Variants in CACNA1B observed in about 807,000 individuals in gnomAD.
The protein encoded by CACNA1B is calcium voltage-gated channel subunit alpha1 B.
Under a neutral mutation model 247.2 loss-of-function variants are expected in CACNA1B, and 70 were observed. The ratio of observed to expected loss-of-function variants is 0.28; its 90% CI spans 0.23 to 0.35. The LOEUF is 0.35. Among genes scored for constraint, CACNA1B ranks in the 10% least tolerant of loss-of-function variants. The pLI, the probability that CACNA1B is intolerant of heterozygous loss-of-function variation, is 1.00. For missense variants in CACNA1B, 2,367 were observed against 3,197.4 expected (o/e 0.74, Z 6.26); for synonymous variants, 1,231 against 1,294.4 (o/e 0.95, Z 1.05).
chr9:137,929,879 C>T (rs1377230148), intron 6 of CACNA1B, among the ~76,000 whole-genome samples: 1 of 152,144 alleles, frequency 6.6e-6, no homozygotes, highest in East Asian at 1.9e-4. Context: ...GTCTCAAGCT[C>T]CTGGGCTCAG....
At chr9:138,066,757 A>G (rs73669857) in intron 31 of CACNA1B, among the ~76,000 whole-genome samples, 4,984 of 152,284 alleles carry the variant, frequency 0.033, 271 homozygotes, top group African/African-American at 0.11. Flanking sequence ...TCAGAAAGAA[A>G]TTTACAGCCT....
At chr9:138,077,853 AC>A (rs1960380842) in intron 35 of CACNA1B, among the ~76,000 whole-genome samples, 2 of 152,252 alleles carry the variant, frequency 1.3e-5, no homozygotes, top group African/African-American at 4.8e-5. Flanking sequence ...TGTGGTGTCC[AC>A]AAAGAAGTGC....
intron 15 of CACNA1B, among the ~76,000 whole-genome samples, chr9:138,000,347 C>A (rs1297199804): frequency 1.3e-5 from 2 of 152,148 alleles, no homozygotes; most frequent in African/African-American, 2.4e-5. Context: ...ATCAGCCCGC[C>A]TTGGCCTCCC....
chr9:137,926,529 A>G (rs1957553275), intron 6 of CACNA1B, among the ~76,000 whole-genome samples: 1 of 152,206 alleles, frequency 6.6e-6, no homozygotes, highest in Non-Finnish European at 1.5e-5. Flanking sequence ...CTTGCTTTCA[A>G]TTCTTTTGGG....
At chr9:137,969,551 T>C (rs964752950) in intron 10 of CACNA1B, among the ~76,000 whole-genome samples, 4 of 152,204 alleles carry the variant, frequency 2.6e-5, no homozygotes, top group African/African-American at 9.6e-5. Flanking sequence ...CTTGTCTTCC[T>C]GGCCACGTGT....
intron 40 of CACNA1B, among the ~76,000 whole-genome samples, chr9:138,114,027 C>T (rs1362920336): frequency 6.6e-6 from 1 of 151,264 alleles, no homozygotes; most frequent in South Asian, 2.1e-4. Flanking sequence ...TTGTGGGAGA[C>T]GTGAGGGAGC....
chr9:137,922,108 CG>C (rs1957491936), intron 6 of CACNA1B, among the ~76,000 whole-genome samples: 1 of 148,664 alleles, frequency 6.7e-6, no homozygotes, highest in Non-Finnish European at 1.5e-5. Flanking sequence ...ATCAGCACCG[CG>C]ATCACACAGC....
intron 36 of CACNA1B, among the ~76,000 whole-genome samples, chr9:138,087,798 T>A (rs1051269893): frequency 6.9e-6 from 1 of 145,808 alleles, no homozygotes; most frequent in Non-Finnish European, 1.5e-5. Context: ...CATGTCATGA[T>A]AACTTGAACC....
chr9:137,963,873 T>C (rs1049818728), intron 10 of CACNA1B, among the ~76,000 whole-genome samples: 3 of 152,218 alleles, frequency 2.0e-5, no homozygotes, highest in East Asian at 1.9e-4. Context: ...TTAGGACCCC[T>C]TGTAGGGCAG....
chr9:137,908,848 G>A (rs902799924), intron 3 of CACNA1B, among the ~76,000 whole-genome samples: 53 of 151,570 alleles, frequency 3.5e-4, no homozygotes, highest in African/African-American at 1.3e-3. Flanking sequence ...AGCCAGGATG[G>A]TCTCGATCTC....
chr9:138,066,987 T>C lies in CACNA1B; in HGVS notation c.4669-2771T>C, dbSNP rs1031808063. ...ATTGACACACTTCTGGCAAGATTAA[T>C]CAAAGAAAAATAAGAAGGTAAAATA... On this transcript the variant is annotated intron_variant, in intron 31 of 46. Transcript: ENST00000371372. Among the ~76,000 whole-genome samples the C allele has an allele frequency of 2.6e-5, 4 of 151,972 alleles. No individual in the cohort carries two copies. The South Asian group carries it at 8.3e-4, about 32-fold the overall frequency.
chr9:137,951,565 A>G (rs564354339), intron 6 of CACNA1B, among the ~76,000 whole-genome samples: 2 of 152,312 alleles, frequency 1.3e-5, no homozygotes, highest in East Asian at 3.9e-4. Flanking sequence ...AGGGAGAAAG[A>G]GGTTCTCTAC....
intron 41 of CACNA1B, among the ~76,000 whole-genome samples, chr9:138,115,107 T>C (rs1448240435): frequency 6.6e-6 from 1 of 152,174 alleles, no homozygotes; most frequent in Admixed American, 6.5e-5. Flanking sequence ...GGGGTAGACA[T>C]CACTAATCCA....
chr9:138,085,675 C>T (rs1267984870), intron 36 of CACNA1B, among the ~76,000 whole-genome samples: 1 of 151,232 alleles, frequency 6.6e-6, no homozygotes, highest in Non-Finnish European at 1.5e-5. Flanking sequence ...CCCCGTTAGA[C>T]TGAAAGCAGA....
chr9:138,115,247 C>T (rs1198340700), intron 41 of CACNA1B, among the ~76,000 whole-genome samples: 1 of 152,180 alleles, frequency 6.6e-6, no homozygotes, highest in Non-Finnish European at 1.5e-5. Flanking sequence ...GGTCCAATCC[C>T]CTAGTTGTGT....
chr9:138,041,260 T>C (rs944471318), intron 20 of CACNA1B, among the ~76,000 whole-genome samples: 3 of 152,000 alleles, frequency 2.0e-5, no homozygotes, highest in African/African-American at 7.2e-5. Flanking sequence ...ACCTGTGCAC[T>C]GGAAAGAGCG....
At chr9:137,904,352 C>CTTTTTT (rs11351694) in intron 3 of CACNA1B, among the ~76,000 whole-genome samples, 9 of 80,420 alleles carry the variant, frequency 1.1e-4, no homozygotes, top group Non-Finnish European at 1.5e-4. Context: ...CTCTCTCTCT[C>CTTTTTT]TTTTTTTTTT....
At chr9:137,984,506 ATCG>A (rs762276765) in intron 13 of CACNA1B, among the ~76,000 whole-genome samples, 4 of 152,174 alleles carry the variant, frequency 2.6e-5, no homozygotes, top group Non-Finnish European at 4.4e-5. Flanking sequence ...ACGATTTCCC[ATCG>A]TCTCCTGTCT....
intron 36 of CACNA1B, among the ~76,000 whole-genome samples, chr9:138,078,964 AG>A (rs2131320700): frequency 6.6e-6 from 1 of 152,264 alleles, no homozygotes; most frequent in Non-Finnish European, 1.5e-5. Flanking sequence ...AGATTAGTTT[AG>A]GGTTGGAGGC....
Sources: gnomAD v4.1 joint callset for allele counts (sites outside exome capture counted in the v4.1 genomes callset) on GRCh38, gnomAD v4.1.1 for gene constraint, MANE v1.5 for transcripts, NCBI Gene and HGNC (gene_info 2026-07-23, HGNC 2026-07-21) for gene names.